Variants in PALM2AKAP2 observed in about 807,000 individuals in gnomAD.
The protein encoded by PALM2AKAP2 is PALM2 and AKAP2 fusion, also known as PALM2-AKAP2 fusion protein.
Under a neutral mutation model 71.5 loss-of-function variants are expected in PALM2AKAP2, and 37 were observed. The ratio of observed to expected loss-of-function variants is 0.52; its 90% CI spans 0.40 to 0.68. PALM2AKAP2 has a LOEUF of 0.68. PALM2AKAP2 is among the 30% of genes least tolerant of loss of function. PALM2AKAP2 has a pLI of 0.00. For synonymous variants in PALM2AKAP2, 468 were observed against 478.8 expected (o/e 0.98, Z 0.29); for missense variants, 1,224 against 1,191.8 (o/e 1.03, Z -0.40).
chr9:109,661,851 G>A (rs1426024659), intron 1 of PALM2AKAP2, among the ~76,000 whole-genome samples: 3 of 152,128 alleles, frequency 2.0e-5, no homozygotes, highest in African/African-American at 7.2e-5. Context: ...TTGAGCAGTG[G>A]TTTGTAATTC....
rs374204023 is a variant in PALM2AKAP2, at chr9:109,641,970, C to T, written c.5+1104C>T. Reference sequence around the variant, plus strand: ...AGTCACAGTCATGGATTTCAGGCCCCACCTAGCCTGATACTGCTGTTATTG... The same window carrying T: ...AGTCACAGTCATGGATTTCAGGCCCTACCTAGCCTGATACTGCTGTTATTG... On this transcript the variant is annotated intron_variant, in intron 1 of 6. Transcript: ENST00000374531. Among the ~76,000 whole-genome samples, 35 of 152,278 alleles carry T rather than the reference C, an allele frequency of 2.3e-4. No individual in the cohort carries two copies. The East Asian group carries it at 3.3e-3, about 14-fold the overall frequency.
At chr9:109,791,163 A>G (rs1200617613) in intron 1 of PALM2AKAP2, among the ~76,000 whole-genome samples, 1 of 152,228 alleles carries the variant, frequency 6.6e-6, no homozygotes, top group Non-Finnish European at 1.5e-5. Flanking sequence ...ATAAGACACT[A>G]GTAGCCTGTT....
chr9:109,696,842 C>T (rs181206382), intron 1 of PALM2AKAP2, among the ~76,000 whole-genome samples: 15 of 152,194 alleles, frequency 9.9e-5, no homozygotes, highest in East Asian at 1.9e-4. Flanking sequence ...GTTATCCAGA[C>T]GACCATTTCT....
intron 1 of PALM2AKAP2, 127 bp downstream of exon 1, chr9:109,780,660 T>C (rs963352289): frequency 2.0e-5 from 27 of 1,376,960 alleles, no homozygotes; most frequent in Non-Finnish European, 2.6e-5. Flanking sequence ...GCTAAAACTC[T>C]GTCAGGGCTC....
chr9:110,051,090 A>C (rs902656593), intron 1 of PALM2AKAP2, among the ~76,000 whole-genome samples: 1 of 152,164 alleles, frequency 6.6e-6, no homozygotes, highest in African/African-American at 2.4e-5. Flanking sequence ...TGGAGAGTTC[A>C]TTTCACTTTC....
intron 3 of PALM2AKAP2, among the ~76,000 whole-genome samples, chr9:109,911,850 A>AAAGG (rs1830576542): frequency 6.6e-6 from 1 of 151,670 alleles, no homozygotes; most frequent in South Asian, 2.1e-4. Context: ...CACTTGGGAG[A>AAAGG]AGGTATAGAT....
intron 6 of PALM2AKAP2, among the ~76,000 whole-genome samples, chr9:110,006,324 C>CCTTCTCTTTCTT (rs1554736917): frequency 7.8e-5 from 8 of 102,102 alleles, no homozygotes; most frequent in African/African-American, 1.2e-4. Flanking sequence ...TTCCTTCCTT[C>CCTTCTCTTTCTT]TCTTTCTTTC....
intron 1 of PALM2AKAP2, among the ~76,000 whole-genome samples, chr9:109,715,563 C>T (rs935035108): frequency 3.3e-5 from 5 of 152,180 alleles, no homozygotes; most frequent in African/African-American, 7.2e-5. Flanking sequence ...GCTGTCCACT[C>T]CCTGCAGTGC....
intron 1 of PALM2AKAP2, among the ~76,000 whole-genome samples, chr9:109,757,679 A>G (rs1828984883): frequency 6.6e-6 from 1 of 152,046 alleles, no homozygotes; most frequent in African/African-American, 2.4e-5. Flanking sequence ...AGCCCTCAAG[A>G]AAACCAACAC....
At position 110,148,987 on chromosome 9, in the gene PALM2AKAP2, C is replaced by T. The variant is rs74421645; in HGVS notation, c.2570-7332C>T. 1.8e-3 allele frequency among the ~76,000 whole-genome samples: 280 copies of T among 152,254 alleles called. 1 individual carries two copies. Among genetic ancestry groups the T allele is most frequent in the Middle Eastern group, 0.014 (4 of 292 alleles). On this transcript the variant is annotated intron_variant, in intron 2 of 3. Coordinates refer to ENST00000374525, the Ensembl canonical transcript of PALM2AKAP2. The stretch of plus-strand genomic sequence containing the variant: ...ATTCTGAGTGCATGCAGCCTTTTCT[C>T]GGGTTCTTTGGGTGGGAGGAATTGC...
chr9:109,899,249 C>A (rs1830275607), intron 3 of PALM2AKAP2, among the ~76,000 whole-genome samples: 1 of 152,180 alleles, frequency 6.6e-6, no homozygotes, highest in South Asian at 2.1e-4. Context: ...TGAAAAACAT[C>A]ACCATGCACC....
intron 1 of PALM2AKAP2, among the ~76,000 whole-genome samples, chr9:110,106,443 C>T (rs548159184): frequency 2.6e-5 from 4 of 152,304 alleles, no homozygotes; most frequent in Non-Finnish European, 5.9e-5. Flanking sequence ...TACTCTTAAC[C>T]ACCTCAAGCT....
intron 1 of PALM2AKAP2, among the ~76,000 whole-genome samples, chr9:109,689,463 G>T (rs757606181): frequency 6.6e-6 from 1 of 152,108 alleles, no homozygotes; most frequent in African/African-American, 2.4e-5. Flanking sequence ...GCCACCCAAA[G>T]TGCTGGGATT....
At chr9:110,049,314 G>T (rs963983500) in intron 1 of PALM2AKAP2, among the ~76,000 whole-genome samples, 7 of 152,302 alleles carry the variant, frequency 4.6e-5, no homozygotes, top group African/African-American at 1.7e-4. Context: ...CCTTTTGGGT[G>T]GCAGAGCCGG....
At chr9:109,883,233 G>A (rs965826662) in intron 3 of PALM2AKAP2, among the ~76,000 whole-genome samples, 8 of 152,180 alleles carry the variant, frequency 5.3e-5, no homozygotes, top group East Asian at 3.9e-4. Context: ...TATCCTTTAC[G>A]TCCTTTACGT....
At chr9:109,965,860 G>T (rs1481337003) in intron 6 of PALM2AKAP2, among the ~76,000 whole-genome samples, 1 of 152,072 alleles carries the variant, frequency 6.6e-6, no homozygotes, top group Non-Finnish European at 1.5e-5. Flanking sequence ...AGAAGTGGGA[G>T]TTCATACTTT....
intron 1 of PALM2AKAP2, among the ~76,000 whole-genome samples, chr9:109,739,439 A>G (rs1194968528): frequency 6.6e-6 from 1 of 152,212 alleles, no homozygotes; most frequent in East Asian, 1.9e-4. Context: ...TACTCATCCA[A>G]AGCTGAACTA....
chr9:110,080,257 G>A (rs1834420854), intron 1 of PALM2AKAP2, among the ~76,000 whole-genome samples: 1 of 152,074 alleles, frequency 6.6e-6, no homozygotes. Flanking sequence ...CTGGTGATTT[G>A]AAGACTGCAT....
At chr9:109,916,600 AT>A (rs1269278562) in intron 3 of PALM2AKAP2, among the ~76,000 whole-genome samples, 1 of 152,078 alleles carries the variant, frequency 6.6e-6, no homozygotes. Context: ...TGCCTGGCTC[AT>A]TTTCTCCTCT....
Sources: allele counts gnomAD v4.1 joint callset (sites outside exome capture counted in the v4.1 genomes callset), GRCh38; gene constraint gnomAD v4.1.1; transcripts MANE v1.5; gene names NCBI Gene and HGNC (gene_info 2026-07-23, HGNC 2026-07-21).